Variants in KIAA0825 observed in about 807,000 individuals in gnomAD.
The protein encoded by KIAA0825 is uncharacterized protein KIAA0825.
In KIAA0825, 119 loss-of-function variants were observed where a neutral mutation model predicts 147.6. The observed-to-expected ratio is 0.81, with a 90% CI of 0.69 to 0.94. KIAA0825 has a LOEUF of 0.94. Ranked by LOEUF, KIAA0825 falls within the 40% of genes least tolerant of loss-of-function variation. The pLI is 0.00. For missense variants in KIAA0825, 1,381 were observed against 1,472.7 expected (o/e 0.94, Z 1.02); for synonymous variants, 470 against 518.1 (o/e 0.91, Z 1.26).
chr5:94,340,869 C>G (rs1374837093), intron 20 of KIAA0825, among the ~76,000 whole-genome samples: 1 of 152,074 alleles, frequency 6.6e-6, no homozygotes, highest in African/African-American at 2.4e-5. Context: ...ATTATTCACC[C>G]AAAAAATGCA....
intron 20 of KIAA0825, among the ~76,000 whole-genome samples, chr5:94,245,551 T>C (rs1227862811): frequency 1.3e-5 from 2 of 152,164 alleles, no homozygotes; most frequent in Non-Finnish European, 2.9e-5. Flanking sequence ...ATTTCCTTCT[T>C]AGCAGTCTGA....
At chr5:94,445,610 C>T (rs972049161) in intron 13 of KIAA0825, among the ~76,000 whole-genome samples, 2 of 152,164 alleles carry the variant, frequency 1.3e-5, no homozygotes, top group African/African-American at 2.4e-5. Context: ...CAAAACTCAA[C>T]GAGTATGCAA....
At chr5:94,331,699 T>A (rs866786039) in intron 20 of KIAA0825, among the ~76,000 whole-genome samples, 2 of 152,082 alleles carry the variant, frequency 1.3e-5, no homozygotes. Flanking sequence ...ATCCCAGGAA[T>A]ACAAGTATAG....
chr5:94,336,147 A>T (rs1781765334), intron 20 of KIAA0825, among the ~76,000 whole-genome samples: 1 of 152,088 alleles, frequency 6.6e-6, no homozygotes, highest in Admixed American at 6.6e-5. Flanking sequence ...AGGCGGGTGG[A>T]TCACCTGAGG....
At chr5:94,594,797 G>A in intron 1 of KIAA0825, 3 of 497,042 alleles carry the variant, frequency 6.0e-6, no homozygotes, top group Non-Finnish European at 1.2e-5. Context: ...CATGATTGTA[G>A]TTTTTATTTA....
At chr5:94,565,566 T>A (rs1229591104) in intron 2 of KIAA0825, among the ~76,000 whole-genome samples, 1 of 151,958 alleles carries the variant, frequency 6.6e-6, no homozygotes. Context: ...GGTCTCAAAC[T>A]CCTGACCTCA....
intron 15 of KIAA0825, among the ~76,000 whole-genome samples, chr5:94,406,124 A>C (rs1445418387): frequency 6.6e-6 from 1 of 151,850 alleles, no homozygotes; most frequent in Non-Finnish European, 1.5e-5. Context: ...ATGGGGTTTC[A>C]CCTTGTTGGC....
intron 20 of KIAA0825, among the ~76,000 whole-genome samples, chr5:94,374,016 G>T (rs1327500807): frequency 4.6e-5 from 7 of 152,076 alleles, no homozygotes; most frequent in Non-Finnish European, 8.8e-5. Flanking sequence ...TGGAAAATAT[G>T]CTAAAACTTT....
intron 14 of KIAA0825, among the ~76,000 whole-genome samples, chr5:94,418,376 C>T (rs1317662837): frequency 1.3e-5 from 2 of 151,926 alleles, no homozygotes; most frequent in African/African-American, 4.8e-5. Flanking sequence ...TTCCTAATAC[C>T]CATTTTCTTT....
intron 2 of KIAA0825, among the ~76,000 whole-genome samples, chr5:94,578,301 C>T (rs1018947837): frequency 1.3e-5 from 2 of 152,078 alleles, no homozygotes; most frequent in African/African-American, 4.8e-5. Flanking sequence ...ACAACAATTC[C>T]GTAGACTGTG....
intron 13 of KIAA0825, among the ~76,000 whole-genome samples, chr5:94,443,699 T>G (rs1757392140): frequency 6.6e-6 from 1 of 152,208 alleles, no homozygotes; most frequent in African/African-American, 2.4e-5. Flanking sequence ...TTAGCTCACA[T>G]ACTTTCTTCA....
At position 94,223,694 on chromosome 5, in the gene KIAA0825, A is replaced by G. The variant is rs548528704; in HGVS notation, c.3711-69570T>C. Among the ~76,000 whole-genome samples, 29 of 152,346 alleles carry G rather than the reference A, an allele frequency of 1.9e-4. No homozygotes were observed. In the South Asian group the frequency reaches 5.8e-3, roughly 30 times the overall value. On this transcript the variant is annotated intron_variant, in intron 20 of 20. Coordinates refer to ENST00000682413, the MANE Select transcript of KIAA0825 (RefSeq NM_001145678.3). Reference sequence around the variant, plus strand: ...ATCCAGAAGGTGTTATAAAAGGAACAAAGGAAATGATATTTTCTCTTTTAG... The same window carrying G: ...ATCCAGAAGGTGTTATAAAAGGAACGAAGGAAATGATATTTTCTCTTTTAG...
intron 16 of KIAA0825, among the ~76,000 whole-genome samples, chr5:94,397,360 G>A (rs1356174902): frequency 6.6e-6 from 1 of 152,078 alleles, no homozygotes; most frequent in African/African-American, 2.4e-5. Context: ...TAGCCTTTTG[G>A]CTGATGATTC....
chr5:94,365,199 G>A lies in KIAA0825; in HGVS notation c.3710+19169C>T, dbSNP rs970537241. ...CCAGAAGTCCCATTTGGGCACCCCC[G>A]CTCTCTCTCCCAAGAGAAAGAGCTA... On this transcript the variant is annotated intron_variant, in intron 20 of 20. Transcript: ENST00000682413. Among the ~76,000 whole-genome samples, 8 of 152,200 alleles carry A rather than the reference G, an allele frequency of 5.3e-5. No individual in the cohort carries two copies. In the East Asian group the frequency reaches 5.8e-4, roughly 11 times the overall value.
chr5:94,236,857 T>G (rs1775069340), intron 20 of KIAA0825, among the ~76,000 whole-genome samples: 1 of 152,236 alleles, frequency 6.6e-6, no homozygotes, highest in Admixed American at 6.5e-5. Flanking sequence ...ATTTTTAAAT[T>G]AAGTATGTAC....
At chr5:94,586,485 A>G (rs1783305393) in intron 1 of KIAA0825, among the ~76,000 whole-genome samples, 1 of 152,230 alleles carries the variant, frequency 6.6e-6, no homozygotes, top group Non-Finnish European at 1.5e-5. Flanking sequence ...TCAAGACTAA[A>G]TCAGGAAGAA....
chr5:94,598,445 CT>C (rs955949188), intron 1 of KIAA0825, among the ~76,000 whole-genome samples: 3 of 151,898 alleles, frequency 2.0e-5, no homozygotes, highest in African/African-American at 7.3e-5. Flanking sequence ...TATAACAATG[CT>C]TTTTTTCTGG....
intron 20 of KIAA0825, among the ~76,000 whole-genome samples, chr5:94,370,275 G>C (rs546524106): frequency 6.6e-6 from 1 of 152,296 alleles, no homozygotes; most frequent in South Asian, 2.1e-4. Context: ...TTGGCATGGA[G>C]GTAGAAAGTA....
In KIAA0825 at chr5:94,279,283, C is replaced by T. The variant is rs140568075; in HGVS notation, c.3710+105085G>A. ...CTTAAAATAAGGTCAGTAACTTTTG[C>T]TTTTAGTGAGAAAAAGCAAAATTTA... On this transcript the variant is annotated intron_variant, in intron 20 of 20. Transcript: ENST00000682413. Among the ~76,000 whole-genome samples the T allele has an allele frequency of 5.5e-3, 843 of 152,070 alleles. 4 individuals are homozygous for T. The highest frequency in any genetic ancestry group is 0.019 in the African/African-American group (802 of 41,496).
Sources: gnomAD v4.1 joint callset for allele counts (sites outside exome capture counted in the v4.1 genomes callset) on GRCh38, gnomAD v4.1.1 for gene constraint, MANE v1.5 for transcripts, NCBI Gene and HGNC (gene_info 2026-07-23, HGNC 2026-07-21) for gene names.